Variants in CFAP58 observed in about 807,000 individuals in gnomAD.
CFAP58 encodes cilia- and flagella-associated protein 58.
CFAP58 carries 88 observed loss-of-function variants against 119.5 expected under a neutral mutation model. That is an observed-to-expected ratio of 0.74 (90% CI 0.62 to 0.88). The LOEUF (loss-of-function observed/expected upper bound fraction) is 0.88. CFAP58 is among the 40% of genes least tolerant of loss of function. CFAP58 has a pLI of 0.00. For synonymous variants in CFAP58, 365 were observed against 366.3 expected, an observed-to-expected ratio of 1.00 and a Z score of 0.04; for missense variants, 990 against 1,021.2, an observed-to-expected ratio of 0.97 and a Z score of 0.42.
intron 9 of CFAP58, among the ~76,000 whole-genome samples, chr10:104,388,873 A>C (rs533515320): frequency 7.1e-4 from 108 of 152,190 alleles, no homozygotes; most frequent in Non-Finnish European, 6.0e-4. Context: ...TCTGTCGTGC[A>C]CTGTAAGCAT....
intron 9 of CFAP58, among the ~76,000 whole-genome samples, chr10:104,388,850 C>T (rs532889591): frequency 3.9e-5 from 6 of 152,312 alleles, no homozygotes; most frequent in Admixed American, 2.0e-4. Flanking sequence ...AGGTTATAAA[C>T]TGAGGCTGTA....
intron 8 of CFAP58, among the ~76,000 whole-genome samples, chr10:104,378,659 C>T (rs548150522): frequency 1.2e-4 from 19 of 152,242 alleles, no homozygotes; most frequent in African/African-American, 3.6e-4. Flanking sequence ...GTTTTCCAGT[C>T]CATATGACAA....
chr10:104,422,479 G>A (rs1030610077), intron 15 of CFAP58, among the ~76,000 whole-genome samples: 1 of 152,190 alleles, frequency 6.6e-6, no homozygotes, highest in Non-Finnish European at 1.5e-5. Flanking sequence ...ATTAGGTGTT[G>A]ATTCTGTCAG....
At chr10:104,399,553 T>A in intron 12 of CFAP58, 53 bp downstream of exon 12, 1 of 1,580,342 alleles carries the variant, frequency 6.3e-7, no homozygotes, top group Non-Finnish European at 8.6e-7. Flanking sequence ...CACGGGTATT[T>A]AATTCCACCC....
the CFAP58 span, among the ~76,000 whole-genome samples, chr10:104,345,045 G>A: frequency 6.6e-6 from 1 of 152,102 alleles, no homozygotes; most frequent in African/African-American, 2.4e-5. Context: ...TACTCGGGAG[G>A]CTGAGGCAGG....
chr10:104,344,739 C>G, the CFAP58 span, among the ~76,000 whole-genome samples: 1 of 152,058 alleles, frequency 6.6e-6, no homozygotes, highest in Non-Finnish European at 1.5e-5. Flanking sequence ...GGCTTTTTGC[C>G]TCCCTTGCAT....
chr10:104,403,727 A>T lies in CFAP58; in HGVS notation c.2040-2A>T. On this transcript the variant is annotated splice_acceptor_variant, in intron 13 of 17. Transcript: ENST00000369704. LOFTEE classifies it high-confidence loss of function. Reference sequence around the variant, plus strand: ...TTGCAAAATCAAGTTTGTCTTATTCAGACAGGAGTTTTTTCACATGCAAAG... The same window carrying T: ...TTGCAAAATCAAGTTTGTCTTATTCTGACAGGAGTTTTTTCACATGCAAAG... 1 of 1,602,506 alleles carries T rather than the reference A, an allele frequency of 6.2e-7. No individual in the cohort carries two copies. The highest frequency in any genetic ancestry group is 1.1e-5 in the South Asian group (1 of 89,552).
intron 15 of CFAP58, among the ~76,000 whole-genome samples, chr10:104,428,312 G>A (rs982407300): frequency 1.3e-5 from 2 of 152,152 alleles, no homozygotes; most frequent in African/African-American, 2.4e-5. Context: ...GGGGATGGAA[G>A]TCTGGCAGCC....
At chr10:104,358,048 CAT>C (rs1480807685) in intron 1 of CFAP58, among the ~76,000 whole-genome samples, 20 of 146,158 alleles carry the variant, frequency 1.4e-4, no homozygotes, top group East Asian at 6.0e-4. Flanking sequence ...CATATACACA[CAT>C]ATATGTACAT....
At position 104,450,163 on chromosome 10, in the gene CFAP58, G is replaced by T; in HGVS notation, c.2469G>T (p.Lys823Asn). The change falls in exon 17 of 18, where the codon AAG becomes AAT. Residue 823 changes from lysine to asparagine, a missense_variant. Physicochemically the swap from Lys to Asn is moderately conservative, Grantham distance 94. Coordinates refer to ENST00000369704, the MANE Select transcript of CFAP58 (RefSeq NM_001008723.2). ...TTACCAATGAGCTCCAGAATTTAAA[G>T]AAGAAATACCTCGCTCAGAAACGTA... The part of the protein sequence containing the change: ...EKLTNELQNL[K>N]KKYLAQKRKE... 6 of 1,613,548 alleles carry T rather than the reference G, an allele frequency of 3.7e-6. No homozygotes were observed. Among genetic ancestry groups the T allele is most frequent in the Non-Finnish European group, 5.1e-6 (6 of 1,179,816 alleles).
chr10:104,421,318 A>ACACC (rs1376137318), intron 15 of CFAP58, among the ~76,000 whole-genome samples: 2 of 152,012 alleles, frequency 1.3e-5, no homozygotes, highest in Non-Finnish European at 2.9e-5. Context: ...CCACCTCTCC[A>ACACC]CACCCATGAA....
At chr10:104,386,084 C>A (rs1465505018) in intron 9 of CFAP58, among the ~76,000 whole-genome samples, 4 of 132,028 alleles carry the variant, frequency 3.0e-5, no homozygotes, top group Non-Finnish European at 4.9e-5. Context: ...TTTAGCTATT[C>A]TAAAATGGAT....
intron 15 of CFAP58, among the ~76,000 whole-genome samples, chr10:104,422,819 A>G (rs1296764394): frequency 6.6e-6 from 1 of 152,230 alleles, no homozygotes; most frequent in African/African-American, 2.4e-5. Context: ...AGCAAGTCAC[A>G]TGGCCAAGCC....
At chr10:104,445,334 A>AAAAC (rs1554926398) in intron 15 of CFAP58, among the ~76,000 whole-genome samples, 6 of 150,772 alleles carry the variant, frequency 4.0e-5, no homozygotes, top group Non-Finnish European at 8.9e-5. Flanking sequence ...AAAAAAAAAA[A>AAAAC]AACAACAACA....
At chr10:104,413,637 A>G (rs2012495921) in intron 15 of CFAP58, among the ~76,000 whole-genome samples, 1 of 151,974 alleles carries the variant, frequency 6.6e-6, no homozygotes, top group Non-Finnish European at 1.5e-5. Flanking sequence ...TTTTTTCTTT[A>G]AAGGCATCTG....
chr10:104,345,952 A>T, the CFAP58 span, among the ~76,000 whole-genome samples: 1 of 152,042 alleles, frequency 6.6e-6, no homozygotes, highest in Non-Finnish European at 1.5e-5. Flanking sequence ...TTGTATTGCT[A>T]TAAAGGAATA....
intron 14 of CFAP58, among the ~76,000 whole-genome samples, chr10:104,405,940 CA>C (rs1293193071): frequency 6.6e-6 from 1 of 152,016 alleles, no homozygotes; most frequent in African/African-American, 2.4e-5. Flanking sequence ...CCTGTCTTCA[CA>C]AAAAAATTAA....
At position 104,365,844 on chromosome 10, in the gene CFAP58, G is replaced by A. The variant is rs775995835; in HGVS notation, c.628G>A (p.Glu210Lys). ...FQQEIQQRQN[E>K]ASREFRKKEK... ...ACAAGAAATCCAGCAACGTCAGAAC[G>A]AAGCTTCCCGGGAGTTCCGGAAGAA... The change falls in exon 5 of 18, where the codon GAA (glutamate) becomes AAA (lysine). Residue 210 changes from glutamate (E) to lysine (K), a missense_variant. Transcript: ENST00000369704. The A allele has an allele frequency of 2.5e-6, 4 of 1,612,096 alleles. No homozygotes were observed. The highest frequency in any genetic ancestry group is 2.2e-5 in the East Asian group (1 of 44,814).
intron 15 of CFAP58, among the ~76,000 whole-genome samples, chr10:104,415,502 C>A (rs534310111): frequency 1.3e-5 from 2 of 152,260 alleles, no homozygotes; most frequent in East Asian, 1.9e-4. Flanking sequence ...TGAGGGGGAT[C>A]CCTGGCCTGA....
Sources: gnomAD v4.1 joint callset for allele counts (sites outside exome capture counted in the v4.1 genomes callset) on GRCh38, gnomAD v4.1.1 for gene constraint, MANE v1.5 for transcripts, NCBI Gene and HGNC (gene_info 2026-07-23, HGNC 2026-07-21) for gene names.